The following KHDRBS1 variants were observed in gnomAD, a reference collection of about 807,000 sequenced individuals.
The protein encoded by KHDRBS1 is KH domain-containing, RNA-binding, signal transduction-associated protein 1.
Under a neutral mutation model 48.4 loss-of-function variants are expected in KHDRBS1, and 7 were observed. The observed-to-expected ratio is 0.14, with a 90% CI of 0.08 to 0.27. KHDRBS1 has a LOEUF of 0.27. KHDRBS1 is among the 10% of genes least tolerant of loss of function. The probability of loss-of-function intolerance (pLI) is 1.00; values close to 1 mark genes in which losing one functional copy is unlikely to be tolerated. For missense variants in KHDRBS1, 458 were observed against 601.2 expected (o/e 0.76, Z 2.49); for synonymous variants, 241 against 235.8 (o/e 1.02, Z -0.20).
At position 32,030,487 on chromosome 1, in the gene KHDRBS1, A is replaced by G. The variant is rs1006174639; in HGVS notation, c.507+65A>G. The G allele has an allele frequency of 5.7e-6, 8 of 1,405,450 alleles. No individual in the cohort carries two copies. The African/African-American group carries it at 8.8e-5, about 15-fold the overall frequency. The allele number at this position is 1,405,450 out of a possible 1,614,324, so 87.1% of individuals were successfully genotyped here. A position where few individuals can be genotyped will look rare whatever the true frequency, so the allele number is the denominator to read the frequency against. ...TAGTTATGAGAGAGTCATGGGCTAT[A>G]ATAAAGACTCCTGGGGATTGTGATG... On this transcript the variant is annotated intron_variant, in intron 2 of 8. Coordinates refer to ENST00000327300, the MANE Select transcript of KHDRBS1 (RefSeq NM_006559.3).
intron 4 of KHDRBS1, 63 bp downstream of exon 4, chr1:32,033,397 A>T: frequency 6.3e-7 from 1 of 1,591,632 alleles, no homozygotes; most frequent in Non-Finnish European, 8.6e-7. Context: ...TACTGTTGTG[A>T]AGGTAGGGGT....
At chr1:32,021,597 A>AG (rs1450302750) in intron 1 of KHDRBS1, among the ~76,000 whole-genome samples, 1 of 152,078 alleles carries the variant, frequency 6.6e-6, no homozygotes, top group Non-Finnish European at 1.5e-5. Context: ...AGGGAAGTTG[A>AG]GGGTGTTAAC....
intron 1 of KHDRBS1, among the ~76,000 whole-genome samples, chr1:32,020,842 T>C (rs1638843714): frequency 6.6e-6 from 1 of 152,180 alleles, no homozygotes; most frequent in Non-Finnish European, 1.5e-5. Context: ...GTAAGGATCC[T>C]CATGATGGAA....
chr1:32,021,920 G>C (rs2124361819), intron 1 of KHDRBS1, among the ~76,000 whole-genome samples: 1 of 151,690 alleles, frequency 6.6e-6, no homozygotes, highest in East Asian at 1.9e-4. Flanking sequence ...CAAAGTGCTG[G>C]GATTATAGGC....
In KHDRBS1 at chr1:32,033,217, C is replaced by T. The variant is rs762508669; in HGVS notation, c.654C>T (p.Pro218=). The T allele has an allele frequency of 6.2e-7, 1 of 1,614,056 alleles. No homozygotes were observed. Among genetic ancestry groups the T allele is most frequent in the Non-Finnish European group, 8.5e-7 (1 of 1,179,946 alleles). The change falls in exon 4 of 9, where the codon CCC becomes CCT. Residue 218 remains proline (P), a synonymous_variant. Coordinates refer to ENST00000327300, the MANE Select transcript of KHDRBS1 (RefSeq NM_006559.3). The part of the protein sequence containing the change: ...KEEELRKGGD[P]KYAHLNMDLH... Reference sequence around the variant, plus strand: ...AAGAGCTGCGCAAAGGTGGAGACCCCAAATATGCCCACTTGAATATGGATC... The same window carrying T: ...AAGAGCTGCGCAAAGGTGGAGACCCTAAATATGCCCACTTGAATATGGATC...
intron 1 of KHDRBS1, among the ~76,000 whole-genome samples, chr1:32,027,215 A>C (rs1557892512): frequency 6.6e-6 from 1 of 152,200 alleles, no homozygotes; most frequent in Non-Finnish European, 1.5e-5. Context: ...TACAGGCATG[A>C]GCCACCTCTC....
intron 1 of KHDRBS1, among the ~76,000 whole-genome samples, chr1:32,023,034 C>T (rs1231488113): frequency 6.6e-6 from 1 of 152,056 alleles, no homozygotes; most frequent in African/African-American, 2.4e-5. Context: ...TTCGCCCTCT[C>T]TCTTTTTTTC....
chr1:32,060,449 T>G (rs1409128989), exon 11 of KHDRBS1: 1 of 151,988 alleles, frequency 6.6e-6, no homozygotes, highest in Non-Finnish European at 1.5e-5. Flanking sequence ...GCCTCCTAGA[T>G]GGGAATTAAC....
At chr1:32,032,678 T>C (rs972836888) in intron 3 of KHDRBS1, among the ~76,000 whole-genome samples, 1 of 152,114 alleles carries the variant, frequency 6.6e-6, no homozygotes, top group African/African-American at 2.4e-5. Context: ...CTGTGCAAAT[T>C]ACTGTTCTTG....
chr1:32,060,106 G>A (rs1207508413), intron 10 of KHDRBS1: 1 of 152,246 alleles, frequency 6.6e-6, no homozygotes, highest in Non-Finnish European at 1.5e-5. Flanking sequence ...TCAGGTGGGA[G>A]GCTGGGAAGC....
rs963004548 is a variant in KHDRBS1 at position 32,034,417 on chromosome 1, G to C, written c.771+1083G>C. Among the ~76,000 whole-genome samples, 4 of 152,138 alleles carry C rather than the reference G, an allele frequency of 2.6e-5. No homozygotes were observed. In the South Asian group the frequency reaches 8.3e-4, roughly 32 times the overall value. ...GTCTATTAAAAATACAAAATTAGCC[G>C]GGCGTGGTGGCACATGCCTGTAATC... On this transcript the variant is annotated intron_variant, in intron 4 of 8. Transcript: ENST00000327300.
At chr1:32,019,100 A>AAAAC (rs151087441) in intron 1 of KHDRBS1, among the ~76,000 whole-genome samples, 286 of 151,642 alleles carry the variant, frequency 1.9e-3, no homozygotes, top group African/African-American at 5.8e-3. Flanking sequence ...TCTGTCTTAA[A>AAAAC]AAACAAACAA....
intron 7 of KHDRBS1, among the ~76,000 whole-genome samples, chr1:32,039,251 C>T (rs1639239005): frequency 6.6e-6 from 1 of 152,038 alleles, no homozygotes; most frequent in African/African-American, 2.4e-5. Context: ...TATATATATG[C>T]TATATTAAAA....
At chr1:32,057,986 C>T (rs1346640562) in intron 10 of KHDRBS1, among the ~76,000 whole-genome samples, 3 of 151,756 alleles carry the variant, frequency 2.0e-5, no homozygotes, top group Admixed American at 1.3e-4. Flanking sequence ...AGTGTGGTGG[C>T]GGGCGCCTGT....
chr1:32,052,788 A>G (rs1025386282), intron 10 of KHDRBS1: 5 of 152,116 alleles, frequency 3.3e-5, no homozygotes, highest in Admixed American at 1.3e-4. Flanking sequence ...TGCATTGACT[A>G]TTTACTCTGT....
chr1:32,050,145 T>C (rs558093851), intron 10 of KHDRBS1, among the ~76,000 whole-genome samples: 3 of 152,350 alleles, frequency 2.0e-5, no homozygotes, highest in African/African-American at 7.2e-5. Context: ...TAATGACTAA[T>C]GTCATTGAGC....
At chr1:32,028,004 C>T (rs573607353) in intron 1 of KHDRBS1, among the ~76,000 whole-genome samples, 2 of 152,290 alleles carry the variant, frequency 1.3e-5, no homozygotes, top group East Asian at 3.9e-4. Context: ...GTAGTTCCAG[C>T]TACTCGGAAG....
At position 32,038,613 on chromosome 1, in the gene KHDRBS1, G is replaced by A; in HGVS notation, c.1169G>A (p.Ser390Asn). The change falls in exon 7 of 9, where the codon AGT (serine) becomes AAT (asparagine). Residue 390 changes from serine to asparagine, a missense_variant. Physicochemically the swap from Ser to Asn is conservative, Grantham distance 46. Coordinates refer to ENST00000327300, the MANE Select transcript of KHDRBS1 (RefSeq NM_006559.3). ...GGCTACGAAGGCTATTACAGCCAGA[G>A]TCAAGGGTGAGTCAGGCAGTATAAG... Reference protein sequence around the residue: ...YEGYEGYYSQSQGDSEYYDYG... With the variant: ...YEGYEGYYSQNQGDSEYYDYG... 1 of 1,613,976 alleles carries A rather than the reference G, an allele frequency of 6.2e-7. No individual in the cohort carries two copies. Among genetic ancestry groups the A allele is most frequent in the Non-Finnish European group, 8.5e-7 (1 of 1,179,896 alleles).
At chr1:32,046,463 C>T (rs1255772182), downstream of KHDRBS1, among the ~76,000 whole-genome samples, 5 of 152,168 alleles carry the variant, frequency 3.3e-5, no homozygotes, top group South Asian at 6.2e-4. Context: ...GATCCACCCA[C>T]CTTGGCCTCC....
Sources: allele counts gnomAD v4.1 joint callset (sites outside exome capture counted in the v4.1 genomes callset), GRCh38; gene constraint gnomAD v4.1.1; transcripts MANE v1.5; gene names NCBI Gene and HGNC (gene_info 2026-07-23, HGNC 2026-07-21).